The following XKR4 variants were observed in gnomAD, a reference collection of about 807,000 sequenced individuals.
The protein encoded by XKR4 is XK related 4, also known as XK-related protein 4.
XKR4 carries 12 observed loss-of-function variants against 53.9 expected under a neutral mutation model. That is an observed-to-expected ratio of 0.22 (90% CI 0.14 to 0.36). XKR4 has a LOEUF of 0.36. XKR4 is among the 10% of genes least tolerant of loss of function. The pLI is 1.00. For missense variants in XKR4, 799 were observed against 859.5 expected (o/e 0.93, Z 0.88); for synonymous variants, 354 against 362.4 (o/e 0.98, Z 0.26).
At chr8:55,500,688 A>G (rs978698957) in intron 2 of XKR4, among the ~76,000 whole-genome samples, 1 of 152,156 alleles carries the variant, frequency 6.6e-6, no homozygotes, top group African/African-American at 2.4e-5. Context: ...ACGGAAACCA[A>G]CATTTGCTGA....
chr8:55,242,131 G>C (rs1031873617), intron 1 of XKR4, among the ~76,000 whole-genome samples: 1 of 152,070 alleles, frequency 6.6e-6, no homozygotes, highest in Non-Finnish European at 1.5e-5. Flanking sequence ...ATAAATACTT[G>C]CCTCATTCCT....
At chr8:55,401,484 G>C (rs149344464) in intron 2 of XKR4, among the ~76,000 whole-genome samples, 1 of 152,374 alleles carries the variant, frequency 6.6e-6, no homozygotes, top group African/African-American at 2.4e-5. Flanking sequence ...GGTGGCTAGT[G>C]GACCTGCTGG....
intron 1 of XKR4, among the ~76,000 whole-genome samples, chr8:55,169,669 A>AT (rs1349111354): frequency 6.6e-6 from 1 of 152,100 alleles, no homozygotes; most frequent in Non-Finnish European, 1.5e-5. Flanking sequence ...AAAAGATTTC[A>AT]TTTTTTCCCC....
intron 1 of XKR4, among the ~76,000 whole-genome samples, chr8:55,130,429 G>C (rs890573446): frequency 2.0e-5 from 3 of 152,224 alleles, no homozygotes; most frequent in Non-Finnish European, 4.4e-5. Flanking sequence ...CAAAGGGGCT[G>C]TGTGCCTGGA....
intron 1 of XKR4, among the ~76,000 whole-genome samples, chr8:55,213,856 CTTTTTTT>C (rs11433893): frequency 1.8e-4 from 15 of 82,346 alleles, no homozygotes; most frequent in African/African-American, 5.5e-4. Context: ...TTCTTTCTTT[CTTTTTTT>C]TTTTTTTTTT....
At chr8:55,480,463 T>G (rs535407149) in intron 2 of XKR4, among the ~76,000 whole-genome samples, 1 of 152,058 alleles carries the variant, frequency 6.6e-6, no homozygotes, top group South Asian at 2.1e-4. Flanking sequence ...TGGGCAAAAA[T>G]TGGAAGCATT....
chr8:55,452,586 G>T (rs1805470906), intron 2 of XKR4: 2 of 911,932 alleles, frequency 2.2e-6, no homozygotes, highest in South Asian at 1.3e-5. Flanking sequence ...CCGCTGCACC[G>T]CCTCCAGGGT....
chr8:55,202,655 C>T (rs936613301), intron 1 of XKR4, among the ~76,000 whole-genome samples: 2 of 152,214 alleles, frequency 1.3e-5, no homozygotes, highest in Admixed American at 1.3e-4. Flanking sequence ...GCTGGGATCT[C>T]AGCATACTTG....
rs532453853 is a variant in XKR4, at chr8:55,280,396, T to G, written c.807-77282T>G. Among the ~76,000 whole-genome samples, 5 of 152,312 alleles carry G rather than the reference T, an allele frequency of 3.3e-5. No individual in the cohort carries two copies. The South Asian group carries it at 1.0e-3, about 32-fold the overall frequency. On this transcript the variant is annotated intron_variant, in intron 1 of 2. Coordinates refer to ENST00000327381, the MANE Select transcript of XKR4 (RefSeq NM_052898.2). ...GGTTAACTCAGGTTGTGCTGTTACTTAAACACAAAAGTGTAGTAGCAAACA... is the reference window on the plus strand; with the variant it reads ...GGTTAACTCAGGTTGTGCTGTTACTGAAACACAAAAGTGTAGTAGCAAACA...
intron 2 of XKR4, among the ~76,000 whole-genome samples, chr8:55,418,800 T>C (rs1213434803): frequency 1.3e-5 from 2 of 152,078 alleles, no homozygotes; most frequent in Non-Finnish European, 2.9e-5. Context: ...GCTCCTGCCC[T>C]TTTTCAGGCA....
At chr8:55,484,498 G>C (rs1020402806) in intron 2 of XKR4, among the ~76,000 whole-genome samples, 3 of 152,164 alleles carry the variant, frequency 2.0e-5, no homozygotes, top group Non-Finnish European at 4.4e-5. Flanking sequence ...TTGTACTAAG[G>C]ATACAGTCTG....
At chr8:55,353,719 G>A (rs1377310435) in intron 1 of XKR4, among the ~76,000 whole-genome samples, 1 of 152,226 alleles carries the variant, frequency 6.6e-6, no homozygotes, top group East Asian at 1.9e-4. Flanking sequence ...AGAGAATCAG[G>A]AAAGGCTATT....
intron 1 of XKR4, among the ~76,000 whole-genome samples, chr8:55,231,655 T>G (rs1585954945): frequency 6.6e-6 from 1 of 151,976 alleles, no homozygotes; most frequent in East Asian, 1.9e-4. Context: ...ATTACCAGGC[T>G]TGGGATGTTT....
chr8:55,369,607 C>T (rs943540522), intron 2 of XKR4, among the ~76,000 whole-genome samples: 21 of 151,064 alleles, frequency 1.4e-4, no homozygotes, highest in African/African-American at 4.4e-4. Context: ...AAAATCTTGC[C>T]CCTAAGAAAT....
intron 2 of XKR4, among the ~76,000 whole-genome samples, chr8:55,467,632 C>T (rs1411397766): frequency 6.6e-6 from 1 of 152,068 alleles, no homozygotes; most frequent in Non-Finnish European, 1.5e-5. Flanking sequence ...TGCTAATTTC[C>T]CCAACACTGG....
At chr8:55,211,910 T>C (rs966374347) in intron 1 of XKR4, among the ~76,000 whole-genome samples, 3 of 151,948 alleles carry the variant, frequency 2.0e-5, no homozygotes, top group African/African-American at 7.3e-5. Context: ...TACATCTTGG[T>C]TTTATACATT....
chr8:55,523,254 AC>A (rs1806826093), intron 2 of XKR4, 26 bp from the exon 3 acceptor site: 1 of 1,546,562 alleles, frequency 6.5e-7, no homozygotes. Flanking sequence ...GATTTCTGAC[AC>A]ACTGTCTTCC....
At chr8:55,295,350 T>C (rs1329902616) in intron 1 of XKR4, among the ~76,000 whole-genome samples, 1 of 152,178 alleles carries the variant, frequency 6.6e-6, no homozygotes, top group East Asian at 1.9e-4. Flanking sequence ...TTCTAGGAGA[T>C]AGATTCTGAT....
chr8:55,495,054 G>A (rs1294096799), intron 2 of XKR4, among the ~76,000 whole-genome samples: 2 of 152,148 alleles, frequency 1.3e-5, no homozygotes, highest in South Asian at 2.1e-4. Flanking sequence ...ATACCTGCTT[G>A]GCCTCCCTCC....
Sources: allele counts gnomAD v4.1 joint callset (sites outside exome capture counted in the v4.1 genomes callset), GRCh38; gene constraint gnomAD v4.1.1; transcripts MANE v1.5; gene names NCBI Gene and HGNC (gene_info 2026-07-23, HGNC 2026-07-21).